Variants in FRMD6 observed in about 807,000 individuals in gnomAD.
The protein encoded by FRMD6 is FERM domain-containing protein 6.
FRMD6 carries 37 observed loss-of-function variants against 73.2 expected under a neutral mutation model. That is an observed-to-expected ratio of 0.51 (90% confidence interval 0.39 to 0.66). FRMD6 has a LOEUF of 0.66. Among genes scored for constraint, FRMD6 ranks in the 30% least tolerant of loss-of-function variants. The pLI is 0.00. For synonymous variants in FRMD6, 273 were observed against 282.2 expected, an observed-to-expected ratio of 0.97 and a Z score of 0.33; for missense variants, 714 against 780.5, an observed-to-expected ratio of 0.91 and a Z score of 1.02.
At chr14:51,436,428 A>G in the FRMD6 span, 1 of 511,246 alleles carries the variant, frequency 2.0e-6, no homozygotes, top group Admixed American at 2.7e-5. Context: ...TGATGACATT[A>G]AATCAAATTG....
Position 51,689,781 on chromosome 14 carries a change from G to A in FRMD6, c.-56G>A. On this transcript the variant is annotated 5_prime_UTR_variant, in exon 2 of 14. Transcript: ENST00000344768. Reference sequence around the variant, plus strand: ...CTTGGCTTTGGAGTGCTGGGAACCTGAGGAATTGCCAAGGACCCAGAGCCC... The same window carrying A: ...CTTGGCTTTGGAGTGCTGGGAACCTAAGGAATTGCCAAGGACCCAGAGCCC... 9.9e-7 allele frequency: 1 copy of A among 1,013,478 alleles called. No homozygotes were observed. Among genetic ancestry groups the A allele is most frequent in the Non-Finnish European group, 1.6e-6 (1 of 633,216 alleles). The allele number at this position is 1,013,478 out of a possible 1,614,324, so 62.8% of individuals were successfully genotyped here. A position where few individuals can be genotyped will look rare whatever the true frequency, so the allele number is the denominator to read the frequency against.
chr14:51,692,493 TGTACAC>T (rs1007962095), intron 2 of FRMD6, among the ~76,000 whole-genome samples: 26 of 151,902 alleles, frequency 1.7e-4, no homozygotes, highest in Non-Finnish European at 2.6e-4. Context: ...TGTGTGTGTG[TGTACAC>T]ACACAAGCAG....
the FRMD6 span, among the ~76,000 whole-genome samples, chr14:51,403,706 A>G: frequency 6.6e-6 from 1 of 152,174 alleles, no homozygotes; most frequent in Admixed American, 6.5e-5. Context: ...CCAGTCTTGC[A>G]ACTTTTTAAA....
chr14:51,508,457 C>T (rs974776615), intron 1 of FRMD6, among the ~76,000 whole-genome samples: 1 of 152,168 alleles, frequency 6.6e-6, no homozygotes. Flanking sequence ...TGTTTCCTTC[C>T]TTTCCCACAA....
At chr14:51,467,107 C>A in the FRMD6 span, among the ~76,000 whole-genome samples, 1 of 152,060 alleles carries the variant, frequency 6.6e-6, no homozygotes, top group Non-Finnish European at 1.5e-5. Context: ...AGGCAGAGGG[C>A]CCTGCCGCCT....
chr14:51,670,234 A>G (rs573547317), intron 1 of FRMD6, among the ~76,000 whole-genome samples: 1 of 152,006 alleles, frequency 6.6e-6, no homozygotes, highest in Non-Finnish European at 1.5e-5. Flanking sequence ...ACCACCACAC[A>G]TAGCTAATTT....
At chr14:51,666,014 G>A (rs1333802832) in intron 1 of FRMD6, among the ~76,000 whole-genome samples, 1 of 152,170 alleles carries the variant, frequency 6.6e-6, no homozygotes, top group African/African-American at 2.4e-5. Context: ...CATGAAAATG[G>A]ACTAATACTC....
intron 1 of FRMD6, among the ~76,000 whole-genome samples, chr14:51,688,518 T>C (rs779908256): frequency 5.9e-5 from 9 of 152,200 alleles, no homozygotes; most frequent in Non-Finnish European, 1.0e-4. Context: ...AGATTCTATT[T>C]CATTTATGCT....
intron 1 of FRMD6, among the ~76,000 whole-genome samples, chr14:51,494,447 C>T (rs1306001427): frequency 6.6e-6 from 1 of 152,242 alleles, no homozygotes; most frequent in African/African-American, 2.4e-5. Context: ...AGTCCAAAAC[C>T]TTAAAACTCA....
chr14:51,628,877 C>T (rs7152498), intron 2 of FRMD6, among the ~76,000 whole-genome samples: 24 of 95,300 alleles, frequency 2.5e-4, no homozygotes, highest in African/African-American at 6.6e-4. Flanking sequence ...CTTTTCTTTT[C>T]TTTTTTTTTT....
chr14:51,459,814 A>G, the FRMD6 span, among the ~76,000 whole-genome samples: 7,853 of 133,604 alleles, frequency 0.059, 417 homozygotes, highest in Admixed American at 0.16. Context: ...GCGACAGAGC[A>G]AGACTCCATT....
intron 2 of FRMD6, among the ~76,000 whole-genome samples, chr14:51,598,503 C>T (rs1349338318): frequency 6.6e-6 from 1 of 152,172 alleles, no homozygotes; most frequent in Non-Finnish European, 1.5e-5. Flanking sequence ...TGAATGATCC[C>T]ATCACCCAGG....
intron 3 of FRMD6, 94 bp downstream of exon 3, chr14:51,698,326 A>T: frequency 1.4e-6 from 1 of 718,524 alleles, no homozygotes; most frequent in Non-Finnish European, 2.3e-6. Flanking sequence ...TATTGTTATA[A>T]AACTGTGATT....
chr14:51,685,336 C>T (rs1895078740), intron 1 of FRMD6, among the ~76,000 whole-genome samples: 2 of 152,190 alleles, frequency 1.3e-5, no homozygotes, highest in Admixed American at 6.5e-5. Flanking sequence ...ATAGCATCCA[C>T]ACCACAACCA....
chr14:51,499,585 G>A (rs1049967931), intron 1 of FRMD6, among the ~76,000 whole-genome samples: 1 of 152,202 alleles, frequency 6.6e-6, no homozygotes, highest in African/African-American at 2.4e-5. Flanking sequence ...GTAGGGGCCT[G>A]ACCCCAGGCA....
intron 1 of FRMD6, among the ~76,000 whole-genome samples, chr14:51,686,229 G>A (rs1480679645): frequency 6.6e-6 from 1 of 152,096 alleles, no homozygotes; most frequent in Non-Finnish European, 1.5e-5. Context: ...GAGAGTTTCT[G>A]TATACCACAC....
intron 6 of FRMD6, among the ~76,000 whole-genome samples, chr14:51,707,657 C>T (rs1355586974): frequency 1.3e-5 from 2 of 152,152 alleles, no homozygotes; most frequent in Non-Finnish European, 2.9e-5. Flanking sequence ...CAGTCTGTGG[C>T]TGAAATTTTC....
At chr14:51,520,702 A>C (rs1318905761) in intron 1 of FRMD6, among the ~76,000 whole-genome samples, 3 of 152,172 alleles carry the variant, frequency 2.0e-5, no homozygotes, top group Non-Finnish European at 2.9e-5. Flanking sequence ...GTTTGAGACC[A>C]GCCTAGGCAA....
intron 1 of FRMD6, among the ~76,000 whole-genome samples, chr14:51,681,310 G>A (rs1265082314): frequency 6.6e-6 from 1 of 152,200 alleles, no homozygotes; most frequent in African/African-American, 2.4e-5. Context: ...AGCATAGATA[G>A]TGACCACTAC....
Sources: gnomAD v4.1 joint callset for allele counts (sites outside exome capture counted in the v4.1 genomes callset) on GRCh38, gnomAD v4.1.1 for gene constraint, MANE v1.5 for transcripts, NCBI Gene and HGNC (gene_info 2026-07-23, HGNC 2026-07-21) for gene names.